Variants in ACSBG2 observed in about 807,000 individuals in gnomAD.
ACSBG2 encodes acyl-CoA synthetase bubblegum family member 2.
ACSBG2 carries 62 observed loss-of-function variants against 74.7 expected under a neutral mutation model. The observed-to-expected ratio is 0.83, with a 90% CI of 0.68 to 1.03. The LOEUF (loss-of-function observed/expected upper bound fraction) is 1.03, where lower values mean the gene tolerates loss of function less well. Ranked by LOEUF, ACSBG2 falls within the 50% of genes least tolerant of loss-of-function variation. The probability of loss-of-function intolerance (pLI) is 0.00; values close to 1 mark genes in which losing one functional copy is unlikely to be tolerated. For synonymous variants in ACSBG2, 309 were observed against 294.1 expected (o/e 1.05, Z -0.52); for missense variants, 730 against 817.6 (o/e 0.89, Z 1.31).
intron 4 of ACSBG2, among the ~76,000 whole-genome samples, chr19:6,156,036 A>G (rs570161186): frequency 3.3e-5 from 5 of 152,180 alleles, no homozygotes; most frequent in Admixed American, 3.3e-4. Flanking sequence ...GGAAATGCAA[A>G]TTAAAAGCAA....
intron 6 of ACSBG2, 39 bp downstream of exon 6, chr19:6,161,334 G>A (rs1161698585): frequency 1.3e-6 from 2 of 1,587,308 alleles, no homozygotes; most frequent in Middle Eastern, 1.7e-4. Flanking sequence ...AGGGGAGGGC[G>A]GGGCCTTGCA....
Position 6,165,936 on chromosome 19 carries a change from A to T in ACSBG2, c.659A>T (p.Lys220Met), listed in dbSNP as rs1432167444. The change falls in exon 7 of 15, where the codon AAG (lysine) becomes ATG (methionine). Residue 220 changes from lysine (K) to methionine (M), a missense_variant. Physicochemically the swap from Lys to Met is moderately conservative, Grantham distance 95. Transcript: ENST00000588485. Reference sequence around the variant, plus strand: ...CTGGAGCAGGTCATCGAGAGCCAGAAGGCGAATCAATGCGCAGTGCTCATC... The same window carrying T: ...CTGGAGCAGGTCATCGAGAGCCAGATGGCGAATCAATGCGCAGTGCTCATC... The part of the protein sequence containing the change: ...TQLEQVIESQ[K>M]ANQCAVLIYT... The T allele has an allele frequency of 6.2e-7, 1 of 1,613,786 alleles. No homozygotes were observed. Among genetic ancestry groups the T allele is most frequent in the African/African-American group, 1.3e-5 (1 of 74,816 alleles).
In ACSBG2 at chr19:6,165,783, G is replaced by A. The variant is rs1214398973; in HGVS notation, c.589-83G>A. On this transcript the variant is annotated intron_variant, in intron 6 of 14. Transcript: ENST00000588485. ...CCACCTGCTGAGGATCATTCTTTAG[G>A]AAAAGCTGATAGGACGAGGTCTGGC... is the stretch of plus-strand genomic sequence containing the variant. 2.0e-6 allele frequency: 3 copies of A among 1,535,054 alleles called. No individual in the cohort carries two copies. The African/African-American group carries it at 4.1e-5, about 21-fold the overall frequency.
In ACSBG2 at chr19:6,180,274, G is replaced by C. The variant is rs970049459; in HGVS notation, c.907-2477G>C. 1.3e-5 allele frequency among the ~76,000 whole-genome samples: 2 copies of C among 152,084 alleles called. No individual in the cohort carries two copies. The highest frequency in any genetic ancestry group is 2.9e-5 in the Non-Finnish European group (2 of 67,998). ...GGAGTTAGAACGTGGACATCTTTAG[G>C]GGGCCATTATTTTGCCTCCCACACT... On this transcript the variant is annotated intron_variant, in intron 8 of 14. Transcript: ENST00000588485. This position sits in a 1 kb window ranked among gnomAD's most constrained non-coding sequence, Gnocchi z 4.3.
chr19:6,190,804 C>CACAG, intron 14 of ACSBG2, 112 bp downstream of exon 14: 5 of 471,176 alleles, frequency 1.1e-5, no homozygotes, highest in East Asian at 4.1e-5. Context: ...CACACATACA[C>CACAG]ACATACATAC....
At chr19:6,181,814 C>CCG (rs1052701232) in intron 8 of ACSBG2, among the ~76,000 whole-genome samples, 2 of 446 alleles carry the variant, frequency 4.5e-3, no homozygotes, top group African/African-American at 8.2e-3. Flanking sequence ...TCCCCACCCG[C>CCG]CCCCCCCCCC....
intron 5 of ACSBG2, among the ~76,000 whole-genome samples, chr19:6,159,724 T>C (rs2089543602): frequency 6.6e-6 from 1 of 152,178 alleles, no homozygotes; most frequent in Admixed American, 6.5e-5. Flanking sequence ...GGTTTTCTGT[T>C]GGAGTTAAAT....
chr19:6,151,311 CTTTTG>C (rs1302273375), intron 3 of ACSBG2, among the ~76,000 whole-genome samples: 1 of 151,982 alleles, frequency 6.6e-6, no homozygotes, highest in African/African-American at 2.4e-5. Context: ...CGTGTGGCTA[CTTTTG>C]TTTTGTTTTG....
rs1185654311 is a variant in ACSBG2, at chr19:6,187,588, T to C, written c.1681-11T>C. Reference sequence around the variant, plus strand: ...AGGAGCATGGGTGGTGACAGAGGTGTCTGGGGGCAGTGTGAGATGAATCAG... The same window carrying C: ...AGGAGCATGGGTGGTGACAGAGGTGCCTGGGGGCAGTGTGAGATGAATCAG... On this transcript the variant is annotated splice_polypyrimidine_tract_variant and intron_variant, in intron 12 of 14. Transcript: ENST00000588485. The C allele has an allele frequency of 6.2e-7, 1 of 1,613,776 alleles. No homozygotes were observed. Among genetic ancestry groups the C allele is most frequent in the Admixed American group, 1.7e-5 (1 of 59,986 alleles).
intron 14 of ACSBG2, 120 bp downstream of exon 14, chr19:6,190,812 T>TAC (rs58730661): frequency 0.18 from 58,091 of 331,916 alleles, 1,641 homozygotes; most frequent in South Asian, 0.24. Flanking sequence ...CACACATACA[T>TAC]ACACACACAC....
chr19:6,158,131 C>T (rs2089485603), intron 5 of ACSBG2, among the ~76,000 whole-genome samples: 1 of 150,674 alleles, frequency 6.6e-6, no homozygotes, highest in Non-Finnish European at 1.5e-5. Context: ...TCTCAGCTCA[C>T]TGCAACCTCT....
In ACSBG2 at chr19:6,174,488, C is replaced by T. The variant is rs117597633; in HGVS notation, c.739-2741C>T. ...AATGCTTAGAACAATGCCTGGCATACAGGAAGCCATGTCAAGGATAGCTAT... is the reference window on the plus strand; with the variant it reads ...AATGCTTAGAACAATGCCTGGCATATAGGAAGCCATGTCAAGGATAGCTAT... On this transcript the variant is annotated intron_variant, in intron 7 of 14. Coordinates refer to ENST00000588485, the MANE Select transcript of ACSBG2 (RefSeq NM_030924.5). This position sits in a 1 kb window ranked among gnomAD's most constrained non-coding sequence, Gnocchi z 4.2. Among the ~76,000 whole-genome samples, 786 of 152,282 alleles carry T rather than the reference C, an allele frequency of 5.2e-3. 7 individuals are homozygous for T. Among genetic ancestry groups the T allele is most frequent in the East Asian group, 0.011 (58 of 5,190 alleles).
In ACSBG2 at chr19:6,187,782, G is replaced by A; in HGVS notation, c.1864G>A (p.Ala622Thr). 1.9e-6 allele frequency: 3 copies of A among 1,614,194 alleles called. No homozygotes were observed. The highest frequency in any genetic ancestry group is 2.5e-6 in the Non-Finnish European group (3 of 1,180,028). Reference protein sequence around the residue: ...NAVNQEAMNNAQRIEKWVILE... With the variant: ...NAVNQEAMNNTQRIEKWVILE... Reference sequence around the variant, plus strand: ...TGTGAACCAGGAAGCCATGAACAATGCACAGAGGATTGAAAAGTGGGTCAT... The same window carrying A: ...TGTGAACCAGGAAGCCATGAACAATACACAGAGGATTGAAAAGTGGGTCAT... The change falls in exon 13 of 15, where the codon GCA becomes ACA. Residue 622 changes from alanine to threonine, a missense_variant. By Grantham distance (58) the Ala-to-Thr change is moderately conservative. Coordinates refer to ENST00000588485, the MANE Select transcript of ACSBG2 (RefSeq NM_030924.5).
rs371795582 is a variant in ACSBG2, at chr19:6,183,268, C to T, written c.1318C>T (p.Leu440=). 6.8e-6 allele frequency: 11 copies of T among 1,613,850 alleles called. No homozygotes were observed. Among genetic ancestry groups the T allele is most frequent in the Non-Finnish European group, 9.3e-6 (11 of 1,179,726 alleles). ...ATCCAACCAGAATAACTACAGGCTT[C>T]TAAGGTACCAGCCCCCGGGGCAGAC... is the stretch of plus-strand genomic sequence containing the variant. ...TISNQNNYRL[L]SCGKILTGCK... is the part of the protein sequence containing the mutation. Residue 440 remains leucine, a synonymous_variant, in exon 10 of 15, where the codon CTA becomes TTA. Transcript: ENST00000588485.
At chr19:6,163,044 G>A (rs1314490960) in intron 6 of ACSBG2, among the ~76,000 whole-genome samples, 1 of 151,566 alleles carries the variant, frequency 6.6e-6, no homozygotes, top group Non-Finnish European at 1.5e-5. Flanking sequence ...GGAGGCTGAG[G>A]TGGACAAATA....
chr19:6,188,667 T>G (rs1053592118), intron 13 of ACSBG2, among the ~76,000 whole-genome samples: 2 of 151,968 alleles, frequency 1.3e-5, no homozygotes, highest in African/African-American at 4.8e-5. Context: ...AAAAGGAAAT[T>G]AAATTCCCTT....
intron 14 of ACSBG2, chr19:6,192,086 A>G (rs1439943743): frequency 1.3e-5 from 2 of 151,782 alleles, no homozygotes; most frequent in African/African-American, 4.8e-5. Flanking sequence ...AAAAAAAAAA[A>G]AAAAAAAAAA....
chr19:6,151,942 T>C, intron 4 of ACSBG2, 147 bp downstream of exon 4: 1 of 693,388 alleles, frequency 1.4e-6, no homozygotes, highest in Non-Finnish European at 2.5e-6. Flanking sequence ...GAACAAATCA[T>C]TCTGATCACA....
In ACSBG2 at chr19:6,185,592, C is replaced by T. The variant is rs746910468; in HGVS notation, c.1479C>T (p.His493=). 20 of 1,614,100 alleles carry T rather than the reference C, an allele frequency of 1.2e-5. No homozygotes were observed. The highest frequency in any genetic ancestry group is 9.3e-6 in the Non-Finnish European group (11 of 1,180,056). ...TEAIDDEGWL[H]SGDLGQLDGL... is the part of the protein sequence containing the mutation. ...CCATCGATGATGAAGGCTGGCTACACTCTGGGGATCTGGGCCAGCTGGACG... is the reference window on the plus strand; with the variant it reads ...CCATCGATGATGAAGGCTGGCTACATTCTGGGGATCTGGGCCAGCTGGACG... The change falls in exon 11 of 15, where the codon CAC becomes CAT. Residue 493 remains histidine, a synonymous_variant. Transcript: ENST00000588485.
Sources: gnomAD v4.1 joint callset for allele counts (sites outside exome capture counted in the v4.1 genomes callset) on GRCh38, gnomAD v4.1.1 for gene constraint, Gnocchi (gnomAD v3.1) non-coding constraint, MANE v1.5 for transcripts, NCBI Gene and HGNC (gene_info 2026-07-23, HGNC 2026-07-21) for gene names.